Variants in CCDC91 observed in about 807,000 individuals in gnomAD.
The protein encoded by CCDC91 is coiled-coil domain-containing protein 91.
Under a neutral mutation model 63.2 loss-of-function variants are expected in CCDC91, and 48 were observed. The ratio of observed to expected loss-of-function variants is 0.76; its 90% CI spans 0.60 to 0.97. CCDC91 has a LOEUF of 0.97. Among genes scored for constraint, CCDC91 ranks in the 50% least tolerant of loss-of-function variants. CCDC91 has a pLI of 0.00. For synonymous variants in CCDC91, 167 were observed against 165.8 expected, an observed-to-expected ratio of 1.01 and a Z score of -0.06; for missense variants, 500 against 494.6, an observed-to-expected ratio of 1.01 and a Z score of -0.10.
At chr12:28,267,478 G>A (rs1457354302) in intron 3 of CCDC91, among the ~76,000 whole-genome samples, 2 of 150,294 alleles carry the variant, frequency 1.3e-5, no homozygotes, top group African/African-American at 2.4e-5. Flanking sequence ...TTTCAGCAAA[G>A]CTATTTTAAT....
At chr12:28,454,101 C>CAA (rs1334149610) in intron 11 of CCDC91, among the ~76,000 whole-genome samples, 1 of 152,144 alleles carries the variant, frequency 6.6e-6, no homozygotes, top group Non-Finnish European at 1.5e-5. Flanking sequence ...AATTTCCTTA[C>CAA]AAATGTTTGC....
chr12:28,449,258 C>A (rs895463729), intron 8 of CCDC91, among the ~76,000 whole-genome samples: 1 of 151,992 alleles, frequency 6.6e-6, no homozygotes, highest in African/African-American at 2.4e-5. Flanking sequence ...TTAAAAGACA[C>A]AAATCTATTT....
intron 8 of CCDC91, among the ~76,000 whole-genome samples, chr12:28,419,436 TATA>T (rs1444807472): frequency 1.3e-5 from 2 of 152,172 alleles, no homozygotes; most frequent in Non-Finnish European, 2.9e-5. Flanking sequence ...AATCATTACT[TATA>T]AGAGTCATAA....
chr12:28,544,971 TCAGCAGTTATAC>T (rs907364378), intron 12 of CCDC91, among the ~76,000 whole-genome samples: 10 of 152,054 alleles, frequency 6.6e-5, no homozygotes, highest in Non-Finnish European at 1.5e-5. Context: ...TAAAAGGCTT[TCAGCAGTTATAC>T]CAGCAAACTG....
intron 11 of CCDC91, among the ~76,000 whole-genome samples, chr12:28,456,946 C>T (rs1950084469): frequency 6.6e-6 from 1 of 152,086 alleles, no homozygotes; most frequent in South Asian, 2.1e-4. Flanking sequence ...GGTTCTATGA[C>T]ATTCTTTTAT....
At chr12:28,520,632 A>G (rs1036608436) in intron 12 of CCDC91, among the ~76,000 whole-genome samples, 7 of 152,310 alleles carry the variant, frequency 4.6e-5, no homozygotes, top group African/African-American at 1.4e-4. Context: ...TGTTTTAGAC[A>G]TGAAGTCCTT....
intron 11 of CCDC91, among the ~76,000 whole-genome samples, chr12:28,456,956 T>G (rs1950084775): frequency 1.3e-5 from 2 of 152,182 alleles, no homozygotes; most frequent in Non-Finnish European, 2.9e-5. Context: ...CATTCTTTTA[T>G]GGATTGTGTC....
At chr12:28,247,870 A>G (rs1194287524) in intron 1 of CCDC91, among the ~76,000 whole-genome samples, 1 of 152,170 alleles carries the variant, frequency 6.6e-6, no homozygotes, top group African/African-American at 2.4e-5. Flanking sequence ...AGATTCTCCT[A>G]AGGAGCACAC....
At chr12:28,416,499 T>A (rs1412261878) in intron 8 of CCDC91, among the ~76,000 whole-genome samples, 1 of 152,116 alleles carries the variant, frequency 6.6e-6, no homozygotes, top group East Asian at 1.9e-4. Context: ...AGAGGGGATG[T>A]ATCGGCAAGG....
intron 6 of CCDC91, among the ~76,000 whole-genome samples, chr12:28,354,793 C>T (rs1019295310): frequency 6.6e-6 from 1 of 152,060 alleles, no homozygotes; most frequent in Non-Finnish European, 1.5e-5. Context: ...TACAAGAATT[C>T]TAGAGTGTTT....
At chr12:28,467,113 C>T (rs113677517) in intron 11 of CCDC91, among the ~76,000 whole-genome samples, 4,874 of 152,084 alleles carry the variant, frequency 0.032, 112 homozygotes, top group South Asian at 0.095. Context: ...GTATGCCCTT[C>T]TTATCAGTAA....
At chr12:28,500,804 C>T (rs1937728716) in intron 12 of CCDC91, among the ~76,000 whole-genome samples, 1 of 151,674 alleles carries the variant, frequency 6.6e-6, no homozygotes, top group African/African-American at 2.4e-5. Flanking sequence ...TATCAACAGT[C>T]AGCACTTGGA....
intron 8 of CCDC91, among the ~76,000 whole-genome samples, chr12:28,444,607 T>A (rs1263334534): frequency 2.0e-5 from 3 of 149,882 alleles, no homozygotes; most frequent in African/African-American, 4.8e-5. Context: ...ACATTCTCAC[T>A]TACAAGTGAG....
At chr12:28,437,804 G>A (rs4348940) in intron 8 of CCDC91, among the ~76,000 whole-genome samples, 120,589 of 151,876 alleles carry the variant, frequency 0.79, 48,608 homozygotes, top group African/African-American at 0.88. Flanking sequence ...TCATAGAAAC[G>A]GAATACAAAT....
At chr12:28,502,199 A>G (rs1238653071) in intron 12 of CCDC91, among the ~76,000 whole-genome samples, 1 of 151,892 alleles carries the variant, frequency 6.6e-6, no homozygotes, top group Non-Finnish European at 1.5e-5. Flanking sequence ...TCTCAGCCCA[A>G]AGTCTCCTTA....
At chr12:28,441,429 C>A (rs1357041920) in intron 8 of CCDC91, among the ~76,000 whole-genome samples, 1 of 151,934 alleles carries the variant, frequency 6.6e-6, no homozygotes, top group Non-Finnish European at 1.5e-5. Context: ...TAGCCAATAA[C>A]TGGAAGCAGT....
At chr12:28,209,869 T>C (rs2135501563) in intron 1 of CCDC91, among the ~76,000 whole-genome samples, 1 of 152,336 alleles carries the variant, frequency 6.6e-6, no homozygotes, top group Middle Eastern at 3.4e-3. Flanking sequence ...CACATTTCAT[T>C]CTCCTCATAC....
rs1949337603 is a variant in CCDC91 at position 28,292,898 on chromosome 12, G to T, written c.110-12751G>T. On this transcript the variant is annotated intron_variant, in intron 3 of 12. Coordinates refer to ENST00000536442, the MANE Select transcript of CCDC91 (RefSeq NM_018318.5). ...GTTTATGTACAATAATACTTACGTTGTGTGTACTCTGGAAATTATTATGGG... is the reference window on the plus strand; with the variant it reads ...GTTTATGTACAATAATACTTACGTTTTGTGTACTCTGGAAATTATTATGGG... Among the ~76,000 whole-genome samples the T allele has an allele frequency of 2.0e-5, 3 of 152,106 alleles. No homozygotes were observed. In the South Asian group the frequency reaches 6.2e-4, roughly 32 times the overall value.
chr12:28,350,841 C>T (rs1592390472), intron 6 of CCDC91, among the ~76,000 whole-genome samples: 1 of 152,134 alleles, frequency 6.6e-6, no homozygotes, highest in East Asian at 1.9e-4. Context: ...TCTCAAATAT[C>T]CCTCTCTTTT....
Sources: gnomAD v4.1 joint callset for allele counts (sites outside exome capture counted in the v4.1 genomes callset) on GRCh38, gnomAD v4.1.1 for gene constraint, MANE v1.5 for transcripts, NCBI Gene and HGNC (gene_info 2026-07-23, HGNC 2026-07-21) for gene names.